The following PATJ variants were observed in gnomAD, a reference collection of about 807,000 sequenced individuals.
PATJ encodes PATJ crumbs cell polarity complex component.
In PATJ, 190 loss-of-function variants were observed where a neutral mutation model predicts 224.9. The ratio of observed to expected loss-of-function variants is 0.84; its 90% confidence interval spans 0.75 to 0.95. The LOEUF (loss-of-function observed/expected upper bound fraction) is 0.95, where lower values mean the gene tolerates loss of function less well. PATJ is among the 40% of genes least tolerant of loss of function. The pLI, the probability that PATJ is intolerant of heterozygous loss-of-function variation, is 0.00. For missense variants in PATJ, 2,121 were observed against 2,270.3 expected (o/e 0.93, Z 1.34); for synonymous variants, 769 against 820.3 (o/e 0.94, Z 1.07).
intron 3 of PATJ, among the ~76,000 whole-genome samples, 174 bp from the exon 4 acceptor site, chr1:61,766,105 A>G (rs957261360): frequency 1.3e-5 from 2 of 152,226 alleles, no homozygotes; most frequent in Non-Finnish European, 2.9e-5. Context: ...GTAATACTAA[A>G]TTTAAAAAAT....
chr1:61,952,599 A>G (rs958287227), intron 27 of PATJ, among the ~76,000 whole-genome samples: 1 of 152,136 alleles, frequency 6.6e-6, no homozygotes, highest in Non-Finnish European at 1.5e-5. Flanking sequence ...AACCCCTGCA[A>G]TTTTCTTTCA....
chr1:62,132,525 C>T (rs748091276), intron 41 of PATJ, among the ~76,000 whole-genome samples: 52 of 151,580 alleles, frequency 3.4e-4, no homozygotes, highest in Admixed American at 1.8e-3. Context: ...AAAGTAGTTG[C>T]TTTTAGGGAG....
At chr1:61,901,508 G>A in intron 24 of PATJ, 49 bp downstream of exon 24, 2 of 1,330,664 alleles carry the variant, frequency 1.5e-6, no homozygotes, top group Non-Finnish European at 2.1e-6. Flanking sequence ...CGGTAAGACA[G>A]TGAAATAATC....
intron 25 of PATJ, among the ~76,000 whole-genome samples, chr1:61,912,685 A>C (rs1043100968): frequency 5.4e-5 from 2 of 37,060 alleles, no homozygotes; most frequent in South Asian, 1.0e-3. Flanking sequence ...AGGGGAGGGG[A>C]GGGGAGGGAA....
chr1:62,121,131 G>A (rs758614332), intron 37 of PATJ, 50 bp from the exon 38 acceptor site: 5 of 1,150,726 alleles, frequency 4.3e-6, no homozygotes, highest in Admixed American at 2.0e-5. Context: ...ATGCATTTAG[G>A]GGGTCAAGTC....
intron 42 of PATJ, among the ~76,000 whole-genome samples, chr1:62,151,459 C>T (rs1668625170): frequency 6.6e-6 from 1 of 152,076 alleles, no homozygotes; most frequent in South Asian, 2.1e-4. Flanking sequence ...GGAGTGGTGG[C>T]AGGCGCCTGT....
Position 61,875,303 on chromosome 1 carries a change from C to CT in PATJ, c.2896_2897insT (p.Gln966LeufsTer6). 2 of 1,609,664 alleles carry CT rather than the reference C, an allele frequency of 1.2e-6. No homozygotes were observed. Among genetic ancestry groups the CT allele is most frequent in the Non-Finnish European group, 1.7e-6 (2 of 1,176,498 alleles). On this transcript the variant is annotated frameshift_variant, in exon 21 of 44. Coordinates refer to ENST00000642238, the MANE Select transcript of PATJ (RefSeq NM_001350145.3). LOFTEE classifies it high-confidence loss of function. ...TGTACCATCAACTGAAGGAAACAGT[C>CT]AACAAGGCAGATTTGACGACCTGGA...
intron 28 of PATJ, among the ~76,000 whole-genome samples, chr1:61,997,819 TGTTTTAA>T (rs1558014007): frequency 2.2e-5 from 2 of 89,760 alleles, no homozygotes; most frequent in Non-Finnish European, 2.4e-5. Flanking sequence ...TGTTTTGTTT[TGTTTTAA>T]AAAAAAAAAA....
At chr1:62,059,334 C>T (rs968289115) in intron 31 of PATJ, among the ~76,000 whole-genome samples, 4 of 152,040 alleles carry the variant, frequency 2.6e-5, no homozygotes, top group Admixed American at 1.3e-4. Context: ...TTTGAAAAAT[C>T]GGTTAGGCCC....
chr1:62,065,557 A>G (rs1256944382), intron 31 of PATJ, among the ~76,000 whole-genome samples: 1 of 152,126 alleles, frequency 6.6e-6, no homozygotes, highest in Non-Finnish European at 1.5e-5. Flanking sequence ...GCAGTGAGCC[A>G]AGATCACACC....
At chr1:61,758,632 C>A (rs1406248128) in intron 1 of PATJ, among the ~76,000 whole-genome samples, 1 of 152,142 alleles carries the variant, frequency 6.6e-6, no homozygotes, top group Non-Finnish European at 1.5e-5. Context: ...CAGACATGAG[C>A]CACCACGCCC....
rs77355294 is a variant in PATJ at position 61,996,541 on chromosome 1, T to A, written c.3867+6177T>A. 1.5e-3 allele frequency among the ~76,000 whole-genome samples: 235 copies of A among 152,260 alleles called. 6 individuals are homozygous for A. In the East Asian group the frequency reaches 0.043, roughly 28 times the overall value. On this transcript the variant is annotated intron_variant, in intron 28 of 43. Transcript: ENST00000642238. ...GTCATCTAGATTGGCTTTTTTAGATTACCATACATGGATGCAATTTTATGA... is the reference window on the plus strand; with the variant it reads ...GTCATCTAGATTGGCTTTTTTAGATAACCATACATGGATGCAATTTTATGA...
chr1:61,907,837 C>T (rs941015966), intron 24 of PATJ, among the ~76,000 whole-genome samples: 3 of 152,198 alleles, frequency 2.0e-5, no homozygotes, highest in African/African-American at 7.2e-5. Context: ...ACTGTTTACA[C>T]TTACTCAAAT....
chr1:61,814,547 T>TGTGTGCGCGCGC (rs370488022), intron 14 of PATJ, among the ~76,000 whole-genome samples: 167 of 142,558 alleles, frequency 1.2e-3, no homozygotes, highest in African/African-American at 4.2e-3. Flanking sequence ...TGTGTGTGTG[T>TGTGTGCGCGCGC]GCGCGCGCGC....
intron 26 of PATJ, among the ~76,000 whole-genome samples, chr1:61,917,044 G>T (rs1673553608): frequency 6.6e-6 from 1 of 152,172 alleles, no homozygotes; most frequent in Non-Finnish European, 1.5e-5. Context: ...AACTGAGGAG[G>T]TTAGGAATCG....
chr1:62,160,927 G>A lies in PATJ; in HGVS notation c.5522G>A (p.Gly1841Asp). The change falls in exon 44 of 44, where the codon GGC becomes GAC. Residue 1841 changes from glycine (G) to aspartate (D), a missense_variant. Coordinates refer to ENST00000642238, the MANE Select transcript of PATJ (RefSeq NM_001350145.3). ...TTGTAGGGAGCAGCTGCAGATGACG[G>A]CCGATTAAAACGAGGGGATCAGATT... ...VFAKGAAADD[G>D]RLKRGDQILA... 6.2e-7 allele frequency: 1 copy of A among 1,613,970 alleles called. No individual in the cohort carries two copies.
At chr1:61,937,319 ACCT>A (rs1677035452) in intron 27 of PATJ, among the ~76,000 whole-genome samples, 1 of 151,810 alleles carries the variant, frequency 6.6e-6, no homozygotes, top group Non-Finnish European at 1.5e-5. Flanking sequence ...TGCAACCTTG[ACCT>A]CCTGAGCTCA....
At chr1:62,032,374 A>G (rs1188734066) in intron 29 of PATJ, among the ~76,000 whole-genome samples, 2 of 152,198 alleles carry the variant, frequency 1.3e-5, no homozygotes, top group Admixed American at 1.3e-4. Context: ...CTACTAATTT[A>G]AGGATTTAGG....
chr1:61,792,219 A>G (rs1420701053), intron 9 of PATJ, among the ~76,000 whole-genome samples: 2 of 152,260 alleles, frequency 1.3e-5, no homozygotes, highest in Non-Finnish European at 2.9e-5. Context: ...ATGTCAGACC[A>G]CCTTGTGTTA....
Sources: gnomAD v4.1 joint callset for allele counts (sites outside exome capture counted in the v4.1 genomes callset) on GRCh38, gnomAD v4.1.1 for gene constraint, MANE v1.5 for transcripts, NCBI Gene and HGNC (gene_info 2026-07-23, HGNC 2026-07-21) for gene names.